The following NUP35 variants were observed in gnomAD, a reference collection of about 807,000 sequenced individuals.
The protein encoded by NUP35 is nucleoporin 35.
Under a neutral mutation model 41.5 loss-of-function variants are expected in NUP35, and 25 were observed. The observed-to-expected ratio is 0.60, with a 90% confidence interval of 0.44 to 0.84. The LOEUF (loss-of-function observed/expected upper bound fraction) is 0.84. NUP35 is among the 40% of genes least tolerant of loss of function. The probability of loss-of-function intolerance (pLI) is 0.00; values close to 1 mark genes in which losing one functional copy is unlikely to be tolerated. For missense variants in NUP35, 396 were observed against 396.6 expected (o/e 1.00, Z 0.01); for synonymous variants, 149 against 130.7 (o/e 1.14, Z -0.96).
chr2:183,140,906 G>T lies in NUP35; in HGVS notation c.397+7283G>T, dbSNP rs139970611. On this transcript the variant is annotated intron_variant, in intron 4 of 8. Transcript: ENST00000295119. ...CTTTAACCTTATTATGAACTAGCCAGTCCAGATCTTAGAGCTATTCTTTTT... is the reference window on the plus strand; with the variant it reads ...CTTTAACCTTATTATGAACTAGCCATTCCAGATCTTAGAGCTATTCTTTTT... Among the ~76,000 whole-genome samples, 620 of 151,386 alleles carry T rather than the reference G, an allele frequency of 4.1e-3. 1 individual carries two copies. Among genetic ancestry groups the T allele is most frequent in the Middle Eastern group, 0.028 (8 of 286 alleles).
At chr2:183,145,774 A>AT (rs968425741) in intron 4 of NUP35, among the ~76,000 whole-genome samples, 1 of 152,232 alleles carries the variant, frequency 6.6e-6, no homozygotes. Flanking sequence ...ACAAATATTA[A>AT]TTTATAAAGT....
rs1215761294 is a variant in NUP35, at chr2:183,133,574, T to C, written c.348T>C (p.Ile116=). The C allele has an allele frequency of 6.2e-7, 1 of 1,604,986 alleles. No individual in the cohort carries two copies. ...TPLTSRRQPN[I]SVMQSPLVGV... is the part of the protein sequence containing the mutation. ...TTCTTCTGTTTGTGTAGCCAAACAT[T>C]TCAGTAATGCAGAGTCCTCTTGTTG... Residue 116 remains isoleucine, a synonymous_variant, in exon 4 of 9, where the codon ATT becomes ATC. Coordinates refer to ENST00000295119, the MANE Select transcript of NUP35 (RefSeq NM_138285.5).
chr2:183,154,562 T>C (rs1685580762), intron 5 of NUP35, among the ~76,000 whole-genome samples: 1 of 152,138 alleles, frequency 6.6e-6, no homozygotes. Context: ...AGAGTCACCT[T>C]TGCTCCAGTC....
chr2:183,122,266 T>C (rs890360171), upstream of NUP35, among the ~76,000 whole-genome samples: 3 of 151,702 alleles, frequency 2.0e-5, no homozygotes, highest in Non-Finnish European at 2.9e-5. Flanking sequence ...TTAGTAGAGA[T>C]GGGGTTTCAC....
At chr2:183,126,083 C>T (rs1251131050) in intron 1 of NUP35, among the ~76,000 whole-genome samples, 1 of 152,104 alleles carries the variant, frequency 6.6e-6, no homozygotes, top group Non-Finnish European at 1.5e-5. Flanking sequence ...GTCACCTGGG[C>T]TGGAGTGCAG....
At chr2:183,120,928 A>G (rs971845447), upstream of NUP35, among the ~76,000 whole-genome samples, 1 of 152,220 alleles carries the variant, frequency 6.6e-6, no homozygotes, top group Non-Finnish European at 1.5e-5. Flanking sequence ...ATAGATTATT[A>G]AAAATTATTT....
upstream of NUP35, among the ~76,000 whole-genome samples, chr2:183,122,900 G>T (rs541063260): frequency 1.2e-4 from 18 of 152,080 alleles, no homozygotes; most frequent in African/African-American, 4.3e-4. Context: ...ACCTTATATG[G>T]CAAAAGGTAT....
chr2:183,124,711 G>C (rs1377289592), intron 1 of NUP35, among the ~76,000 whole-genome samples: 1 of 152,122 alleles, frequency 6.6e-6, no homozygotes, highest in Admixed American at 6.5e-5. Context: ...GAGGGCCCTG[G>C]GAGGGTGAAG....
chr2:183,154,717 G>A (rs968748611), intron 5 of NUP35, among the ~76,000 whole-genome samples: 1 of 152,128 alleles, frequency 6.6e-6, no homozygotes, highest in African/African-American at 2.4e-5. Context: ...TTTCCAAACT[G>A]TTCCAACCTC....
intron 5 of NUP35, among the ~76,000 whole-genome samples, chr2:183,154,035 C>T (rs1383197261): frequency 2.0e-5 from 3 of 151,726 alleles, no homozygotes; most frequent in Non-Finnish European, 4.4e-5. Flanking sequence ...GGGGCTTCCA[C>T]TCTCTGAAGC....
At position 183,161,063 on chromosome 2, in the gene NUP35, G is replaced by T. The variant is rs1168318839; in HGVS notation, c.913G>T (p.Asp305Tyr). ...GTGTGTTTTTTAATAGGTTATTTCT[G>T]ACAGACAAACGCCAAAAAAAGATGA... ...ASTSDYQVIS[D>Y]RQTPKKDESL... Residue 305 changes from aspartate (D) to tyrosine (Y), a missense_variant, in exon 9 of 9, where the codon GAC (aspartate) becomes TAC (tyrosine). Physicochemically the swap from Asp to Tyr is radical, Grantham distance 160. Transcript: ENST00000295119. 6.2e-7 allele frequency: 1 copy of T among 1,612,086 alleles called. No individual in the cohort carries two copies. Among genetic ancestry groups the T allele is most frequent in the Admixed American group, 1.7e-5 (1 of 59,952 alleles).
intron 4 of NUP35, among the ~76,000 whole-genome samples, chr2:183,146,640 A>G (rs930409887): frequency 1.3e-5 from 2 of 151,470 alleles, no homozygotes; most frequent in African/African-American, 2.4e-5. Context: ...ACTGTCACCC[A>G]GGCTGGAGTG....
chr2:183,148,876 T>C (rs1466690028), intron 4 of NUP35, among the ~76,000 whole-genome samples: 1 of 152,152 alleles, frequency 6.6e-6, no homozygotes, highest in Non-Finnish European at 1.5e-5. Flanking sequence ...CCCAGGCTGG[T>C]CCTGAACTCC....
chr2:183,136,262 T>C (rs1446752132), intron 4 of NUP35, among the ~76,000 whole-genome samples: 1 of 152,214 alleles, frequency 6.6e-6, no homozygotes, highest in African/African-American at 2.4e-5. Flanking sequence ...CCATAACAAA[T>C]TACGACAAAC....
intron 4 of NUP35, among the ~76,000 whole-genome samples, chr2:183,137,148 C>T (rs1242996112): frequency 1.3e-5 from 2 of 152,080 alleles, no homozygotes; most frequent in Admixed American, 6.6e-5. Context: ...ATGTCATGAT[C>T]AAACATCTAG....
At chr2:183,125,691 T>G (rs1684440763) in intron 1 of NUP35, among the ~76,000 whole-genome samples, 1 of 145,372 alleles carries the variant, frequency 6.9e-6, no homozygotes. Flanking sequence ...TTGGAGTGCA[T>G]ATTTATTGGG....
chr2:183,161,167 G>T lies in NUP35; in HGVS notation c.*36G>T. On this transcript the variant is annotated 3_prime_UTR_variant, in exon 9 of 9. Transcript: ENST00000295119. Reference sequence around the variant, plus strand: ...AGAAGGAGGTTGCTACACTAAAACAGAGTTAGCAGAGTGCTGCTGGTTCCT... The same window carrying T: ...AGAAGGAGGTTGCTACACTAAAACATAGTTAGCAGAGTGCTGCTGGTTCCT... The T allele has an allele frequency of 6.9e-7, 1 of 1,459,030 alleles. No homozygotes were observed. The highest frequency in any genetic ancestry group is 9.6e-7 in the Non-Finnish European group (1 of 1,042,530). 90.4% of individuals were successfully genotyped at this position (1,459,030 alleles called of 1,614,324 possible).
chr2:183,123,633 G>T (rs1316130027), upstream of NUP35: 1 of 233,514 alleles, frequency 4.3e-6, no homozygotes, highest in East Asian at 1.8e-4. Context: ...TTATACATAT[G>T]TAGCACATTA....
intron 8 of NUP35, 26 bp from the exon 9 acceptor site, chr2:183,161,028 T>G (rs1277123014): frequency 3.2e-6 from 5 of 1,569,078 alleles, no homozygotes; most frequent in Admixed American, 1.7e-5. Context: ...AACCTAACCG[T>G]TTTTTTTGTG....
Sources: allele counts gnomAD v4.1 joint callset (sites outside exome capture counted in the v4.1 genomes callset), GRCh38; gene constraint gnomAD v4.1.1; transcripts MANE v1.5; gene names NCBI Gene and HGNC (gene_info 2026-07-23, HGNC 2026-07-21).